The following NTM variants were observed in gnomAD, a reference collection of about 807,000 sequenced individuals.
The protein encoded by NTM is IgLON family member 2.
A neutral mutation model predicts 42.1 loss-of-function variants in NTM; 13 were observed. The ratio of observed to expected loss-of-function variants is 0.31; its 90% confidence interval spans 0.20 to 0.49. The LOEUF is 0.49. Among genes scored for constraint, NTM ranks in the 20% least tolerant of loss-of-function variants. The pLI is 0.99. For synonymous variants in NTM, 187 were observed against 179.2 expected, an observed-to-expected ratio of 1.04 and a Z score of -0.35; for missense variants, 373 against 452.8, an observed-to-expected ratio of 0.82 and a Z score of 1.60.
chr11:131,567,063 A>G (rs1470133729), intron 1 of NTM, among the ~76,000 whole-genome samples: 1 of 151,976 alleles, frequency 6.6e-6, no homozygotes, highest in Non-Finnish European at 1.5e-5. Flanking sequence ...GTTGGGTGTA[A>G]GCTGGGGAGA....
At chr11:131,432,991 A>G (rs1948807097) in intron 1 of NTM, among the ~76,000 whole-genome samples, 1 of 151,490 alleles carries the variant, frequency 6.6e-6, no homozygotes, top group Non-Finnish European at 1.5e-5. Flanking sequence ...AGTAGCTGGG[A>G]CTGCAGGCGC....
chr11:132,181,844 A>G, intron 3 of NTM, among the ~76,000 whole-genome samples: 1 of 152,066 alleles, frequency 6.6e-6, no homozygotes, highest in African/African-American at 2.4e-5. Flanking sequence ...TTCCTTGACC[A>G]GAGCATCCAG....
chr11:131,655,460 A>G (rs1345535274), intron 1 of NTM, among the ~76,000 whole-genome samples: 1 of 152,218 alleles, frequency 6.6e-6, no homozygotes, highest in Non-Finnish European at 1.5e-5. Context: ...GAAACCTGAA[A>G]AAAGGCAAGG....
intron 1 of NTM, among the ~76,000 whole-genome samples, chr11:131,524,170 T>G (rs1420014689): frequency 6.6e-6 from 1 of 152,228 alleles, no homozygotes; most frequent in East Asian, 1.9e-4. Flanking sequence ...TGGGCTGGTC[T>G]AGGGGATCCA....
intron 1 of NTM, among the ~76,000 whole-genome samples, chr11:131,713,270 G>A (rs1230357035): frequency 6.6e-6 from 1 of 152,146 alleles, no homozygotes; most frequent in African/African-American, 2.4e-5. Flanking sequence ...AAAAGAAAGG[G>A]AAGGAAAACA....
chr11:131,732,573 C>T (rs1407497128), intron 1 of NTM, among the ~76,000 whole-genome samples: 1 of 152,192 alleles, frequency 6.6e-6, no homozygotes, highest in Non-Finnish European at 1.5e-5. Context: ...TGATGAAACG[C>T]CCCCAAACTT....
intron 2 of NTM, among the ~76,000 whole-genome samples, chr11:131,952,993 TACAC>T (rs1377440870): frequency 6.6e-6 from 1 of 152,184 alleles, no homozygotes; most frequent in Non-Finnish European, 1.5e-5. Flanking sequence ...ATATAAGAAA[TACAC>T]ACTAACTTGT....
chr11:131,765,937 C>A, intron 1 of NTM, among the ~76,000 whole-genome samples: 1 of 152,158 alleles, frequency 6.6e-6, no homozygotes. Flanking sequence ...AGTTGATTAC[C>A]AATAATTTAC....
intron 2 of NTM, among the ~76,000 whole-genome samples, chr11:132,145,129 G>A (rs2070096947): frequency 6.6e-6 from 1 of 152,154 alleles, no homozygotes; most frequent in African/African-American, 2.4e-5. Flanking sequence ...ATAGTACCAG[G>A]AATTAGAAGA....
rs546918505 is a variant in NTM at position 132,109,919 on chromosome 11, A to G, written c.168-36363A>G. ...TTTGGGTTTCCATTCCTGACTTACA[A>G]TTTGCCTGGTTCTCCCCTCTTCTGT... On this transcript the variant is annotated intron_variant, in intron 2 of 8. Coordinates refer to ENST00000683400, the MANE Select transcript of NTM (RefSeq NM_001352005.2). Among the ~76,000 whole-genome samples the G allele has an allele frequency of 1.1e-3, 173 of 152,138 alleles. 1 individual carries two copies. The highest frequency in any genetic ancestry group is 4.0e-3 in the African/African-American group (164 of 41,502).
chr11:131,685,313 G>A (rs1328139604), intron 1 of NTM, among the ~76,000 whole-genome samples: 2 of 152,058 alleles, frequency 1.3e-5, no homozygotes, highest in Non-Finnish European at 1.5e-5. Context: ...AAGCAGCTGG[G>A]GGCTCATGGA....
At chr11:131,739,291 G>A (rs2080878991) in intron 1 of NTM, among the ~76,000 whole-genome samples, 1 of 151,776 alleles carries the variant, frequency 6.6e-6, no homozygotes, top group East Asian at 1.9e-4. Flanking sequence ...GATGGGTTTT[G>A]GAACAGAGCA....
At chr11:131,683,870 G>A (rs1192411957) in intron 1 of NTM, among the ~76,000 whole-genome samples, 2 of 152,184 alleles carry the variant, frequency 1.3e-5, no homozygotes, top group African/African-American at 2.4e-5. Context: ...GGTCTTCCCA[G>A]CCCTGGTGCG....
At chr11:131,712,563 C>T (rs1188202918) in intron 1 of NTM, among the ~76,000 whole-genome samples, 1 of 152,060 alleles carries the variant, frequency 6.6e-6, no homozygotes, top group Non-Finnish European at 1.5e-5. Flanking sequence ...TACTTCTTTG[C>T]ATTTTCAAAA....
chr11:131,655,219 A>G (rs1447981582), intron 1 of NTM, among the ~76,000 whole-genome samples: 1 of 152,188 alleles, frequency 6.6e-6, no homozygotes, highest in Non-Finnish European at 1.5e-5. Context: ...TTCTGAAGTC[A>G]TTCTTGTGTG....
intron 2 of NTM, among the ~76,000 whole-genome samples, chr11:132,128,490 C>T (rs2066238476): frequency 6.6e-6 from 1 of 152,082 alleles, no homozygotes; most frequent in Non-Finnish European, 1.5e-5. Context: ...TGGACTGGCC[C>T]CAGGCTGTCC....
intron 1 of NTM, chr11:131,533,752 G>A (rs1298727794): frequency 6.6e-6 from 1 of 152,214 alleles, no homozygotes; most frequent in Non-Finnish European, 1.5e-5. Context: ...GATGCTGCAG[G>A]AGGAAAGAAA....
At chr11:132,164,775 C>A (rs2074998253) in intron 3 of NTM, among the ~76,000 whole-genome samples, 1 of 152,164 alleles carries the variant, frequency 6.6e-6, no homozygotes, top group African/African-American at 2.4e-5. Context: ...ACATCTCTGA[C>A]CCTGTGAACT....
At chr11:131,739,708 C>T (rs549387906) in intron 1 of NTM, among the ~76,000 whole-genome samples, 4 of 152,278 alleles carry the variant, frequency 2.6e-5, no homozygotes, top group East Asian at 1.9e-4. Flanking sequence ...TAAGGACTCT[C>T]CTAGGGAGGG....
Sources: gnomAD v4.1 joint callset for allele counts (sites outside exome capture counted in the v4.1 genomes callset) on GRCh38, gnomAD v4.1.1 for gene constraint, MANE v1.5 for transcripts, NCBI Gene and HGNC (gene_info 2026-07-23, HGNC 2026-07-21) for gene names.